The following RBFOX1 variants were observed in gnomAD, a reference collection of about 807,000 sequenced individuals.
The protein encoded by RBFOX1 is RNA binding fox-1 homolog 1, also known as RNA binding protein fox-1 homolog 1.
RBFOX1 carries 8 observed loss-of-function variants against 57.7 expected under a neutral mutation model. That is an observed-to-expected ratio of 0.14 (90% CI 0.08 to 0.25). RBFOX1 has a LOEUF of 0.25. Ranked by LOEUF, RBFOX1 falls within the 10% of genes least tolerant of loss-of-function variation. The probability of loss-of-function intolerance (pLI) is 1.00; values close to 1 mark genes in which losing one functional copy is unlikely to be tolerated. For synonymous variants in RBFOX1, 326 were observed against 222.4 expected, an observed-to-expected ratio of 1.47 and a Z score of -4.15; for missense variants, 611 against 548.5, an observed-to-expected ratio of 1.11 and a Z score of -1.14.
chr16:5,933,385 T>C (rs1186134090), intron 4 of RBFOX1, among the ~76,000 whole-genome samples: 1 of 152,206 alleles, frequency 6.6e-6, no homozygotes, highest in Non-Finnish European at 1.5e-5. Flanking sequence ...TGTGTTCTTA[T>C]GCACGCATGT....
intron 2 of RBFOX1, among the ~76,000 whole-genome samples, chr16:6,548,528 T>C (rs1408443213): frequency 1.3e-5 from 2 of 152,166 alleles, no homozygotes; most frequent in African/African-American, 2.4e-5. Flanking sequence ...AAAAAAGAAA[T>C]TTTTTTAAGT....
At chr16:7,293,629 G>C (rs571725956) in intron 4 of RBFOX1, among the ~76,000 whole-genome samples, 10 of 152,144 alleles carry the variant, frequency 6.6e-5, no homozygotes, top group African/African-American at 2.4e-4. Flanking sequence ...GCCTGTAACC[G>C]TGAATTGCAA....
chr16:5,350,392 G>C (rs2065236356), intron 1 of RBFOX1, among the ~76,000 whole-genome samples: 2 of 152,170 alleles, frequency 1.3e-5, no homozygotes, highest in African/African-American at 4.8e-5. Context: ...ATAGACGGGG[G>C]TGTGTCAGGC....
At chr16:6,979,996 C>G (rs1190850380) in intron 3 of RBFOX1, among the ~76,000 whole-genome samples, 1 of 152,104 alleles carries the variant, frequency 6.6e-6, no homozygotes, top group African/African-American at 2.4e-5. Flanking sequence ...AACACCGTTT[C>G]TCCTTCCCAG....
chr16:6,986,700 T>G (rs2090365891), intron 3 of RBFOX1, among the ~76,000 whole-genome samples: 1 of 152,168 alleles, frequency 6.6e-6, no homozygotes, highest in Admixed American at 6.5e-5. Flanking sequence ...TCCTTCTCTC[T>G]GTCTTTTTGC....
chr16:5,650,226 C>T (rs1478715507), intron 3 of RBFOX1, among the ~76,000 whole-genome samples: 1 of 152,198 alleles, frequency 6.6e-6, no homozygotes, highest in Non-Finnish European at 1.5e-5. Flanking sequence ...GAGGCAGCTG[C>T]TTGGGCCAGA....
chr16:7,104,825 A>G (rs2063296718), intron 4 of RBFOX1, among the ~76,000 whole-genome samples: 1 of 152,166 alleles, frequency 6.6e-6, no homozygotes, highest in Admixed American at 6.6e-5. Flanking sequence ...AGGCTCAGAC[A>G]AAACACATTC....
rs80094126 is a variant in RBFOX1, at chr16:7,646,188, A to C, written c.758-7627A>C. On this transcript the variant is annotated intron_variant, in intron 11 of 15. Transcript: ENST00000550418. ...AAAACATATTTTGCCATTTGGAAAA[A>C]ATCAGGTTTTTTGATTCTTCATTGT... Among the ~76,000 whole-genome samples the C allele has an allele frequency of 8.3e-3, 1,270 of 152,280 alleles. 16 individuals are homozygous for C. Among genetic ancestry groups the C allele is most frequent in the African/African-American group, 0.029 (1,201 of 41,546 alleles).
intron 3 of RBFOX1, among the ~76,000 whole-genome samples, chr16:6,915,928 C>T (rs769770070): frequency 9.2e-5 from 14 of 152,024 alleles, no homozygotes; most frequent in Non-Finnish European, 1.8e-4. Context: ...CAAAGTGGTC[C>T]CCAAATGCTG....
At chr16:7,364,161 A>G (rs934702868) in intron 4 of RBFOX1, among the ~76,000 whole-genome samples, 3 of 152,302 alleles carry the variant, frequency 2.0e-5, no homozygotes, top group East Asian at 1.9e-4. Context: ...GGAGTCTACA[A>G]CAGCTCAGCT....
chr16:6,421,495 A>C (rs1020339693), intron 2 of RBFOX1, among the ~76,000 whole-genome samples: 1 of 152,218 alleles, frequency 6.6e-6, no homozygotes, highest in Non-Finnish European at 1.5e-5. Flanking sequence ...TCTTAGAAGG[A>C]AGGAAATGTA....
At chr16:7,206,706 G>A (rs951778952) in intron 4 of RBFOX1, among the ~76,000 whole-genome samples, 6 of 152,090 alleles carry the variant, frequency 3.9e-5, no homozygotes, top group Admixed American at 6.6e-5. Context: ...GAGGATTTAC[G>A]AAGTGACAAA....
chr16:6,426,848 G>A (rs1190390383), intron 2 of RBFOX1, among the ~76,000 whole-genome samples: 1 of 152,204 alleles, frequency 6.6e-6, no homozygotes, highest in Non-Finnish European at 1.5e-5. Context: ...GCCCATAGCA[G>A]GCTCTAGCTC....
chr16:5,432,932 C>G (rs1259579753), intron 1 of RBFOX1, among the ~76,000 whole-genome samples: 3 of 152,150 alleles, frequency 2.0e-5, no homozygotes, highest in Non-Finnish European at 4.4e-5. Flanking sequence ...ATTATAGGCC[C>G]ACACCACCAC....
chr16:7,217,917 T>A (rs995771868), intron 4 of RBFOX1, among the ~76,000 whole-genome samples: 14 of 151,498 alleles, frequency 9.2e-5, no homozygotes, highest in Admixed American at 5.3e-4. Flanking sequence ...TGTGTGTGTG[T>A]GAGTGTAGGT....
At chr16:6,717,578 GAA>G (rs1354079950) in intron 3 of RBFOX1, among the ~76,000 whole-genome samples, 3 of 149,856 alleles carry the variant, frequency 2.0e-5, no homozygotes, top group Admixed American at 1.3e-4. Context: ...CTGAGATGCT[GAA>G]GTCTTTTTTT....
At chr16:7,152,232 G>A (rs960934720) in intron 4 of RBFOX1, among the ~76,000 whole-genome samples, 5 of 152,134 alleles carry the variant, frequency 3.3e-5, no homozygotes, top group African/African-American at 4.8e-5. Context: ...CGTCCATAGC[G>A]GTAGCACAAG....
chr16:6,857,258 CTAAA>C (rs2058078769), intron 3 of RBFOX1, among the ~76,000 whole-genome samples: 1 of 152,246 alleles, frequency 6.6e-6, no homozygotes, highest in Non-Finnish European at 1.5e-5. Context: ...TCCCCAATCT[CTAAA>C]TAAATCGCAA....
intron 3 of RBFOX1, among the ~76,000 whole-genome samples, chr16:6,716,301 C>G (rs2064807490): frequency 2.0e-5 from 3 of 152,204 alleles, no homozygotes; most frequent in South Asian, 4.1e-4. Context: ...TAAACAACTT[C>G]CGATCCCTTC....
Sources: allele counts gnomAD v4.1 joint callset (sites outside exome capture counted in the v4.1 genomes callset), GRCh38; gene constraint gnomAD v4.1.1; transcripts MANE v1.5; gene names NCBI Gene and HGNC (gene_info 2026-07-23, HGNC 2026-07-21).